The following APBB2 variants were observed in gnomAD, a reference collection of about 807,000 sequenced individuals.
APBB2 encodes Fe65-like 1.
Under a neutral mutation model 82.5 loss-of-function variants are expected in APBB2, and 38 were observed. That is an observed-to-expected ratio of 0.46 (90% CI 0.36 to 0.60). The LOEUF (loss-of-function observed/expected upper bound fraction) is 0.60. Ranked by LOEUF, APBB2 falls within the 20% of genes least tolerant of loss-of-function variation. The pLI, the probability that APBB2 is intolerant of heterozygous loss-of-function variation, is 0.00. For synonymous variants in APBB2, 341 were observed against 368.2 expected (o/e 0.93, Z 0.85); for missense variants, 772 against 972.3 (o/e 0.79, Z 2.74).
Position 40,868,417 on chromosome 4 carries a change from T to C in APBB2, c.1529+21947A>G, listed in dbSNP as rs114389402. Among the ~76,000 whole-genome samples, 1,313 of 152,310 alleles carry C rather than the reference T, an allele frequency of 8.6e-3. 10 individuals are homozygous for C. The highest frequency in any genetic ancestry group is 0.012 in the Non-Finnish European group (813 of 68,012). ...GAGGAAAAGAGGGGAAACTGCATCA[T>C]TGAAGCGAGCTGTATAATTTTTCTT... On this transcript the variant is annotated intron_variant, in intron 12 of 17. Coordinates refer to ENST00000508593, the MANE Select transcript of APBB2 (RefSeq NM_004307.2).
intron 10 of APBB2, among the ~76,000 whole-genome samples, chr4:40,920,663 G>A (rs1282820317): frequency 2.6e-5 from 4 of 152,216 alleles, no homozygotes; most frequent in Non-Finnish European, 5.9e-5. Flanking sequence ...CCTGAGGTCA[G>A]TGGTTCGAGA....
chr4:41,178,615 A>C (rs922148798), intron 1 of APBB2, among the ~76,000 whole-genome samples: 1 of 152,300 alleles, frequency 6.6e-6, no homozygotes, highest in Middle Eastern at 3.4e-3. Context: ...ATCTTCTATC[A>C]AGGCTCACAT....
At chr4:40,844,753 T>A (rs1757015273) in intron 12 of APBB2, among the ~76,000 whole-genome samples, 1 of 152,192 alleles carries the variant, frequency 6.6e-6, no homozygotes, top group South Asian at 2.1e-4. Context: ...TCACACAACC[T>A]CCCTAATTCT....
At position 40,997,690 on chromosome 4, in the gene APBB2, A is replaced by C. The variant is rs923804596; in HGVS notation, c.835+15893T>G. Among the ~76,000 whole-genome samples the C allele has an allele frequency of 5.9e-5, 9 of 152,342 alleles. No homozygotes were observed. In the East Asian group the frequency reaches 1.7e-3, roughly 29 times the overall value. ...ATTTACAACCCTTTTCACTGTGTTG[A>C]CATTTAAGTGATAGGGCACAAAAAA... On this transcript the variant is annotated intron_variant, in intron 6 of 17. Transcript: ENST00000508593.
chr4:40,999,184 G>GTA (rs2154418216), intron 6 of APBB2, among the ~76,000 whole-genome samples: 1 of 152,262 alleles, frequency 6.6e-6, no homozygotes, highest in Admixed American at 6.5e-5. Flanking sequence ...CATCACACCT[G>GTA]TATCCCAGTA....
intron 10 of APBB2, among the ~76,000 whole-genome samples, chr4:40,897,781 G>GC (rs889203081): frequency 2.5e-4 from 38 of 152,210 alleles, no homozygotes; most frequent in African/African-American, 9.1e-4. Flanking sequence ...GTTTGGTGCT[G>GC]CCCCCGTGTG....
intron 6 of APBB2, among the ~76,000 whole-genome samples, chr4:41,010,702 A>G (rs1036353010): frequency 6.6e-6 from 1 of 152,232 alleles, no homozygotes; most frequent in African/African-American, 2.4e-5. Flanking sequence ...GAACTTGTAT[A>G]TAGTGGAATA....
At chr4:41,019,671 T>C (rs907632002) in intron 5 of APBB2, among the ~76,000 whole-genome samples, 1 of 152,030 alleles carries the variant, frequency 6.6e-6, no homozygotes, top group African/African-American at 2.4e-5. Context: ...ATCAGGGGAC[T>C]GCACAGTAGA....
intron 6 of APBB2, among the ~76,000 whole-genome samples, chr4:40,981,295 T>C (rs1233696455): frequency 2.0e-5 from 3 of 151,830 alleles, no homozygotes; most frequent in African/African-American, 7.3e-5. Flanking sequence ...TCCAGCTACT[T>C]GGGAGGCTGA....
intron 10 of APBB2, among the ~76,000 whole-genome samples, chr4:40,925,587 C>G (rs556353921): frequency 3.3e-5 from 5 of 152,318 alleles, no homozygotes; most frequent in African/African-American, 1.2e-4. Flanking sequence ...CAGTGCAAAT[C>G]AAACCCAAAC....
At chr4:41,150,624 G>A (rs1762019807) in intron 1 of APBB2, among the ~76,000 whole-genome samples, 1 of 152,142 alleles carries the variant, frequency 6.6e-6, no homozygotes, top group Admixed American at 6.5e-5. Context: ...ATTCCCGAAG[G>A]CTTTGCAATT....
chr4:40,907,345 TTAC>T (rs1198237996), intron 10 of APBB2, among the ~76,000 whole-genome samples: 88 of 104,952 alleles, frequency 8.4e-4, no homozygotes, highest in African/African-American at 3.0e-3. Flanking sequence ...ATTTAATATA[TTAC>T]ATATATATAT....
chr4:40,901,114 C>T (rs555102534), intron 10 of APBB2, among the ~76,000 whole-genome samples: 10 of 152,256 alleles, frequency 6.6e-5, no homozygotes, highest in East Asian at 1.9e-4. Context: ...AATCTCAGGT[C>T]GGCCACTTAT....
At chr4:41,206,691 A>T (rs960765660) in intron 1 of APBB2, among the ~76,000 whole-genome samples, 41 of 152,352 alleles carry the variant, frequency 2.7e-4, no homozygotes, top group African/African-American at 9.9e-4. Context: ...AATGTCAAGG[A>T]AATTTTAACG....
At chr4:41,044,920 C>G (rs965812331) in intron 4 of APBB2, among the ~76,000 whole-genome samples, 1 of 152,052 alleles carries the variant, frequency 6.6e-6, no homozygotes, top group African/African-American at 2.4e-5. Flanking sequence ...TTTGCACCAC[C>G]TCTTTGCTTT....
chr4:41,109,279 G>T (rs965861932), intron 2 of APBB2, among the ~76,000 whole-genome samples: 2 of 147,052 alleles, frequency 1.4e-5, no homozygotes, highest in Non-Finnish European at 3.0e-5. Flanking sequence ...ACTAAAAAAA[G>T]AAAAAAATCA....
chr4:41,191,702 C>G (rs1231946169), intron 1 of APBB2, among the ~76,000 whole-genome samples: 1 of 152,182 alleles, frequency 6.6e-6, no homozygotes, highest in Non-Finnish European at 1.5e-5. Context: ...TTCCTTAACA[C>G]TGGCCTTGGC....
intron 1 of APBB2, among the ~76,000 whole-genome samples, chr4:41,145,606 A>C (rs1760496730): frequency 6.6e-6 from 1 of 152,242 alleles, no homozygotes; most frequent in African/African-American, 2.4e-5. Flanking sequence ...AACTGAAGAA[A>C]CAATGAGTGC....
rs77873017 is a variant in APBB2, at chr4:41,090,297, C to T, written c.-149+10342G>A. On this transcript the variant is annotated intron_variant, in intron 3 of 17. Coordinates refer to ENST00000508593, the MANE Select transcript of APBB2 (RefSeq NM_004307.2). ...TACCACTGCAATGGAAACACTGAAA[C>T]TCTAAATCAAAACAAGCTATGGTAA... is the stretch of plus-strand genomic sequence containing the variant. 4.4e-3 allele frequency among the ~76,000 whole-genome samples: 675 copies of T among 152,222 alleles called. 3 individuals are homozygous for T. The highest frequency in any genetic ancestry group is 7.5e-3 in the Non-Finnish European group (511 of 67,998).
Sources: gnomAD v4.1 joint callset for allele counts (sites outside exome capture counted in the v4.1 genomes callset) on GRCh38, gnomAD v4.1.1 for gene constraint, MANE v1.5 for transcripts, NCBI Gene and HGNC (gene_info 2026-07-23, HGNC 2026-07-21) for gene names.